Variants in IGF2BP2 observed in about 807,000 individuals in gnomAD.
IGF2BP2 encodes the protein insulin-like growth factor 2 mRNA-binding protein 2.
In IGF2BP2, 17 loss-of-function variants were observed where a neutral mutation model predicts 75.8. The ratio of observed to expected loss-of-function variants is 0.22; its 90% CI spans 0.15 to 0.34. The LOEUF (loss-of-function observed/expected upper bound fraction) is 0.34. Among genes scored for constraint, IGF2BP2 ranks in the 10% least tolerant of loss-of-function variants. IGF2BP2 has a pLI of 1.00. For synonymous variants in IGF2BP2, 288 were observed against 295.6 expected (o/e 0.97, Z 0.26); for missense variants, 516 against 772.4 (o/e 0.67, Z 3.93).
intron 2 of IGF2BP2, among the ~76,000 whole-genome samples, chr3:185,745,505 C>T (rs1022653053): frequency 6.6e-6 from 1 of 152,166 alleles, no homozygotes; most frequent in African/African-American, 2.4e-5. Context: ...TTCCCACCCC[C>T]AGAGGTGGCT....
intron 4 of IGF2BP2, among the ~76,000 whole-genome samples, chr3:185,693,866 G>A (rs1002507483): frequency 6.6e-6 from 1 of 152,068 alleles, no homozygotes; most frequent in Non-Finnish European, 1.5e-5. Flanking sequence ...TATAATATAC[G>A]ATTCTTTACA....
intron 2 of IGF2BP2, among the ~76,000 whole-genome samples, chr3:185,735,810 C>T (rs919072881): frequency 6.6e-6 from 1 of 152,128 alleles, no homozygotes; most frequent in Non-Finnish European, 1.5e-5. Context: ...TAATTCATAT[C>T]CTTAACAGCA....
At chr3:185,706,260 G>A (rs1234429642) in intron 2 of IGF2BP2, among the ~76,000 whole-genome samples, 1 of 152,176 alleles carries the variant, frequency 6.6e-6, no homozygotes. Context: ...TTATTAGCCA[G>A]GTGTGGTAGC....
At chr3:185,653,846 G>A (rs1714999966) in intron 12 of IGF2BP2, among the ~76,000 whole-genome samples, 1 of 152,220 alleles carries the variant, frequency 6.6e-6, no homozygotes, top group Non-Finnish European at 1.5e-5. Flanking sequence ...CCAATCCTGA[G>A]TCTAGGTCTC....
chr3:185,665,029 T>G (rs1261122625), intron 10 of IGF2BP2, among the ~76,000 whole-genome samples: 1 of 151,472 alleles, frequency 6.6e-6, no homozygotes, highest in African/African-American at 2.4e-5. Flanking sequence ...GACAGGCGTG[T>G]TGGTGTGCAC....
At chr3:185,668,349 T>C (rs1240192818) in intron 10 of IGF2BP2, among the ~76,000 whole-genome samples, 2 of 152,002 alleles carry the variant, frequency 1.3e-5, no homozygotes, top group African/African-American at 4.8e-5. Flanking sequence ...TGATTGTATA[T>C]ATGCCGAGAA....
At chr3:185,804,013 C>A (rs967506635) in intron 2 of IGF2BP2, among the ~76,000 whole-genome samples, 3 of 152,094 alleles carry the variant, frequency 2.0e-5, no homozygotes. Context: ...AATCCCAGCA[C>A]TTTGGGAGGC....
At chr3:185,692,184 A>T (rs1722034911) in intron 5 of IGF2BP2, among the ~76,000 whole-genome samples, 1 of 152,226 alleles carries the variant, frequency 6.6e-6, no homozygotes. Flanking sequence ...ACTCTCAGAC[A>T]ATTCTCTCGG....
chr3:185,771,478 T>C (rs1733871947), intron 2 of IGF2BP2, among the ~76,000 whole-genome samples: 1 of 152,042 alleles, frequency 6.6e-6, no homozygotes, highest in Non-Finnish European at 1.5e-5. Flanking sequence ...AATCACTGTT[T>C]TAACTGTTTT....
intron 2 of IGF2BP2, among the ~76,000 whole-genome samples, chr3:185,789,727 A>ATTT (rs10602691): frequency 3.0e-4 from 33 of 111,594 alleles, no homozygotes; most frequent in East Asian, 1.4e-3. Context: ...ACAACCAGGA[A>ATTT]TTTTTTTTTT....
rs185662671 is a variant in IGF2BP2, at chr3:185,721,449, G to T, written c.240-23102C>A. Reference sequence around the variant, plus strand: ...ACTCCTGACCTCAAGTGATCCGCCCGCCTCGGCCTCCCAAAGTGCTGGGAT... The same window carrying T: ...ACTCCTGACCTCAAGTGATCCGCCCTCCTCGGCCTCCCAAAGTGCTGGGAT... On this transcript the variant is annotated intron_variant, in intron 2 of 15. Coordinates refer to ENST00000382199, the MANE Select transcript of IGF2BP2 (RefSeq NM_006548.6). 2.6e-3 allele frequency among the ~76,000 whole-genome samples: 398 copies of T among 152,140 alleles called. 1 individual carries two copies. The highest frequency in any genetic ancestry group is 9.1e-3 in the African/African-American group (378 of 41,510).
At chr3:185,687,627 G>A (rs2149309082) in intron 6 of IGF2BP2, among the ~76,000 whole-genome samples, 1 of 152,330 alleles carries the variant, frequency 6.6e-6, no homozygotes, top group Admixed American at 6.5e-5. Context: ...CCAAATTCAA[G>A]CAAGCTTTAT....
At chr3:185,667,733 G>A (rs1161320830) in intron 10 of IGF2BP2, among the ~76,000 whole-genome samples, 2 of 152,146 alleles carry the variant, frequency 1.3e-5, no homozygotes, top group Non-Finnish European at 2.9e-5. Flanking sequence ...ACACACTTGT[G>A]CAAAGATTTA....
At chr3:185,778,777 T>A (rs1734844464) in intron 2 of IGF2BP2, among the ~76,000 whole-genome samples, 1 of 152,216 alleles carries the variant, frequency 6.6e-6, no homozygotes, top group Admixed American at 6.5e-5. Flanking sequence ...AACCAATACA[T>A]GCTATTTGTG....
At chr3:185,665,503 AAGG>A (rs1560252089) in intron 10 of IGF2BP2, among the ~76,000 whole-genome samples, 1 of 26,084 alleles carries the variant, frequency 3.8e-5, no homozygotes, top group African/African-American at 2.6e-4. Context: ...GGAGGAGGAG[AAGG>A]AGGAGGAGGA....
Position 185,683,082 on chromosome 3 carries a change from A to G in IGF2BP2, c.812+3975T>C, listed in dbSNP as rs1720622235. ...GATGAACAGATAAACAAAATGTGCT[A>G]TATACATACACTGGAATGTTATTTG... On this transcript the variant is annotated intron_variant, in intron 7 of 15. Coordinates refer to ENST00000382199, the MANE Select transcript of IGF2BP2 (RefSeq NM_006548.6). 5.2e-5 allele frequency among the ~76,000 whole-genome samples: 8 copies of G among 152,382 alleles called. No homozygotes were observed. In the South Asian group the frequency reaches 1.7e-3, roughly 32 times the overall value.
intron 2 of IGF2BP2, chr3:185,821,139 A>G: frequency 6.8e-7 from 1 of 1,480,504 alleles, no homozygotes. Flanking sequence ...CCTGCAGTAC[A>G]AGTAGCTAAT....
At chr3:185,812,128 C>T (rs541670233) in intron 2 of IGF2BP2, among the ~76,000 whole-genome samples, 1 of 152,224 alleles carries the variant, frequency 6.6e-6, no homozygotes, top group East Asian at 1.9e-4. Context: ...TCGTTCTAAC[C>T]AACTGAAAAT....
chr3:185,776,675 G>T lies in IGF2BP2; in HGVS notation c.239+46478C>A, dbSNP rs541872779. Reference sequence around the variant, plus strand: ...GAATGCAGCCAAAGCCACAGCAGGGGTGTCATGGGAGTTGAAGGTAACGAA... The same window carrying T: ...GAATGCAGCCAAAGCCACAGCAGGGTTGTCATGGGAGTTGAAGGTAACGAA... On this transcript the variant is annotated intron_variant, in intron 2 of 15. Transcript: ENST00000382199. Among the ~76,000 whole-genome samples, 13 of 152,304 alleles carry T rather than the reference G, an allele frequency of 8.5e-5. No homozygotes were observed. The East Asian group carries it at 2.5e-3, about 29-fold the overall frequency.
Sources: gnomAD v4.1 joint callset for allele counts (sites outside exome capture counted in the v4.1 genomes callset) on GRCh38, gnomAD v4.1.1 for gene constraint, MANE v1.5 for transcripts, NCBI Gene and HGNC (gene_info 2026-07-23, HGNC 2026-07-21) for gene names.